Variants in RAB8B observed in about 807,000 individuals in gnomAD.
RAB8B encodes ras-related protein Rab-8B.
RAB8B carries 11 observed loss-of-function variants against 32.0 expected under a neutral mutation model. That is an observed-to-expected ratio of 0.34 (90% CI 0.22 to 0.57). The LOEUF is 0.57. RAB8B is among the 20% of genes least tolerant of loss of function. RAB8B has a pLI of 0.86. For synonymous variants in RAB8B, 103 were observed against 89.6 expected (o/e 1.15, Z -0.85); for missense variants, 190 against 258.5 (o/e 0.73, Z 1.82).
intron 1 of RAB8B, among the ~76,000 whole-genome samples, chr15:63,239,855 A>G (rs191047347): frequency 9.7e-4 from 148 of 152,302 alleles, no homozygotes; most frequent in African/African-American, 3.5e-3. Flanking sequence ...GAGTCTTCGC[A>G]TGATCTGAGA....
rs71131152 is a variant in RAB8B at position 63,219,004 on chromosome 15, A to ATTTTTTTTTTTT, written c.125-25734_125-25723dup. Reference sequence around the variant, plus strand: ...AAATGATCTTTTCTTCCAGCAGTGGATTTTTTTTTTTTTTTTTTTTTTTTT... The same window carrying ATTTTTTTTTTTT: ...AAATGATCTTTTCTTCCAGCAGTGGATTTTTTTTTTTTTTTTTTTTTTTTTTTTTTTTTTTTT... On this transcript the variant is annotated intron_variant, in intron 1 of 7. Coordinates refer to ENST00000321437, the MANE Select transcript of RAB8B (RefSeq NM_016530.3). Among the ~76,000 whole-genome samples the ATTTTTTTTTTTT allele has an allele frequency of 1.7e-4, 16 of 94,666 alleles. 5 individuals are homozygous for ATTTTTTTTTTTT. The highest frequency in any genetic ancestry group is 6.0e-4 in the Admixed American group (5 of 8,330). 62.1% of individuals were successfully genotyped at this position (94,666 alleles called of 152,430 possible).
At chr15:63,239,655 G>T (rs2038015601) in intron 1 of RAB8B, among the ~76,000 whole-genome samples, 2 of 152,096 alleles carry the variant, frequency 1.3e-5, no homozygotes, top group South Asian at 4.1e-4. Flanking sequence ...TGATCTGCCT[G>T]CCTTGGCCTC....
chr15:63,243,814 T>C (rs1595746888), intron 1 of RAB8B, among the ~76,000 whole-genome samples: 1 of 152,244 alleles, frequency 6.6e-6, no homozygotes, highest in South Asian at 2.1e-4. Context: ...AACAGAAATT[T>C]ATTTAGCTCA....
At chr15:63,231,939 C>T (rs1216853991) in intron 1 of RAB8B, among the ~76,000 whole-genome samples, 1 of 152,218 alleles carries the variant, frequency 6.6e-6, no homozygotes. Flanking sequence ...ACACTTGAAA[C>T]ACATTTCCTT....
chr15:63,256,523 G>A lies in RAB8B; in HGVS notation c.343G>A (p.Glu115Lys), dbSNP rs762065157. Residue 115 changes from glutamate (E) to lysine (K), a missense_variant, in exon 5 of 8, where the codon GAA becomes AAA. By Grantham distance (56) the Glu-to-Lys change is moderately conservative (BLOSUM62 1). This residue lies in a region of RAB8B where 110 missense variants were observed against 115.9 expected (regional missense o/e 0.95). Transcript: ENST00000321437. The part of the protein sequence containing the change: ...NIEEHASSDV[E>K]RMILGNKCDM... ...CCTGCAGCATGCCTCTTCCGATGTC[G>A]AAAGAATGATCCTGGGTAACAAATG... is the stretch of plus-strand genomic sequence containing the variant. 2.3e-5 allele frequency: 37 copies of A among 1,601,144 alleles called. No individual in the cohort carries two copies. Among genetic ancestry groups the A allele is most frequent in the Non-Finnish European group, 3.1e-5 (36 of 1,176,130 alleles).
intron 1 of RAB8B, among the ~76,000 whole-genome samples, chr15:63,219,202 G>T (rs1419917187): frequency 6.6e-6 from 1 of 151,072 alleles, no homozygotes; most frequent in Non-Finnish European, 1.5e-5. Context: ...GGAGGCTGAG[G>T]CAGGGGAATT....
chr15:63,226,958 T>A (rs905679098), intron 1 of RAB8B, among the ~76,000 whole-genome samples: 3 of 152,168 alleles, frequency 2.0e-5, no homozygotes, highest in Non-Finnish European at 4.4e-5. Flanking sequence ...GGGTAACTTC[T>A]TGACATTGCC....
chr15:63,240,806 C>CAAAAAAAAAA lies in RAB8B; in HGVS notation c.125-3941_125-3932dup, dbSNP rs11312318. Reference sequence around the variant, plus strand: ...CATAACTGAAAGGTAATGTTCCTAACAAAAAAAAAAAAAAAAAAGCCTCTG... The same window carrying CAAAAAAAAAA: ...CATAACTGAAAGGTAATGTTCCTAACAAAAAAAAAAAAAAAAAAAAAAAAAAAAGCCTCTG... On this transcript the variant is annotated intron_variant, in intron 1 of 7. Coordinates refer to ENST00000321437, the MANE Select transcript of RAB8B (RefSeq NM_016530.3). 2.6e-5 allele frequency among the ~76,000 whole-genome samples: 3 copies of CAAAAAAAAAA among 113,802 alleles called. 1 individual carries two copies. The highest frequency in any genetic ancestry group is 7.0e-5 in the African/African-American group (2 of 28,586). 74.7% of individuals were successfully genotyped at this position (113,802 alleles called of 152,430 possible).
intron 2 of RAB8B, among the ~76,000 whole-genome samples, chr15:63,247,366 A>C (rs928424829): frequency 1.3e-5 from 2 of 152,242 alleles, no homozygotes; most frequent in African/African-American, 4.8e-5. Flanking sequence ...TGCAATATGC[A>C]AGGCAAAGAT....
intron 1 of RAB8B, among the ~76,000 whole-genome samples, chr15:63,202,104 A>T (rs1403062668): frequency 6.7e-6 from 1 of 148,654 alleles, no homozygotes; most frequent in Non-Finnish European, 1.5e-5. Flanking sequence ...AAAAAAAAAA[A>T]AAAAAAAAAA....
At chr15:63,206,679 G>C (rs1323457997) in intron 1 of RAB8B, among the ~76,000 whole-genome samples, 1 of 151,850 alleles carries the variant, frequency 6.6e-6, no homozygotes, top group Non-Finnish European at 1.5e-5. Context: ...TGCCCTTTCT[G>C]CTCTACTTTC....
At chr15:63,198,084 A>C (rs1390224162) in intron 1 of RAB8B, among the ~76,000 whole-genome samples, 1 of 152,198 alleles carries the variant, frequency 6.6e-6, no homozygotes, top group Admixed American at 6.5e-5. Flanking sequence ...TGAATTAATA[A>C]GAACCTGAAA....
chr15:63,216,714 G>C (rs1005514693), intron 1 of RAB8B, among the ~76,000 whole-genome samples: 1 of 151,926 alleles, frequency 6.6e-6, no homozygotes, highest in African/African-American at 2.4e-5. Flanking sequence ...ACAAAAATTA[G>C]TCGGGCATGG....
At chr15:63,247,463 T>C (rs373228847) in intron 2 of RAB8B, among the ~76,000 whole-genome samples, 30 of 152,324 alleles carry the variant, frequency 2.0e-4, no homozygotes, top group African/African-American at 7.2e-4. Context: ...GATTGCTAGG[T>C]TGAATATTTT....
rs761951855 is a variant in RAB8B, at chr15:63,263,603, G to T, written c.608G>T (p.Arg203Leu). 1 of 1,608,482 alleles carries T rather than the reference G, an allele frequency of 6.2e-7. No homozygotes were observed. Among genetic ancestry groups the T allele is most frequent in the East Asian group, 2.2e-5 (1 of 44,836 alleles). ...CGATCAAAGAAGACCAGTTTCTTTC[G>T]TTGCTCGCTACTTTGATGAACTCTT... ...ENRSKKTSFFRCSLL is the reference protein window; with the variant it reads ...ENRSKKTSFFLCSLL Residue 203 changes from arginine (R) to leucine (L), a missense_variant, in exon 8 of 8, where the codon CGT (arginine) becomes CTT (leucine). Arg to Leu is a moderately radical substitution (Grantham distance 102). This residue lies in a region of RAB8B where 110 missense variants were observed against 115.9 expected (regional missense o/e 0.95). Coordinates refer to ENST00000321437, the MANE Select transcript of RAB8B (RefSeq NM_016530.3).
intron 1 of RAB8B, among the ~76,000 whole-genome samples, chr15:63,218,302 A>T (rs1294935031): frequency 2.0e-5 from 3 of 152,196 alleles, no homozygotes; most frequent in Non-Finnish European, 4.4e-5. Context: ...GAGAATAGTG[A>T]TAAGGAATAT....
intron 1 of RAB8B, among the ~76,000 whole-genome samples, chr15:63,227,827 C>A (rs1006828550): frequency 6.6e-6 from 1 of 152,178 alleles, no homozygotes; most frequent in African/African-American, 2.4e-5. Context: ...GGGAATTCAC[C>A]ATGATCCTCA....
In RAB8B at chr15:63,259,894, G is replaced by A. The variant is rs775685111; in HGVS notation, c.480+202G>A. ...TCTGTCGCCAGGCTGGAATGCAGTG[G>A]CATGATCTCGGCTCACTGCAACCTC... On this transcript the variant is annotated intron_variant, in intron 6 of 7. Transcript: ENST00000321437. This position sits in a 1 kb window ranked among gnomAD's most constrained non-coding sequence, Gnocchi z 4.4. 2.0e-5 allele frequency among the ~76,000 whole-genome samples: 3 copies of A among 151,972 alleles called. No individual in the cohort carries two copies. The highest frequency in any genetic ancestry group is 6.5e-5 in the Admixed American group (1 of 15,268).
At chr15:63,247,642 G>A (rs570990819) in intron 2 of RAB8B, among the ~76,000 whole-genome samples, 3 of 152,338 alleles carry the variant, frequency 2.0e-5, no homozygotes, top group South Asian at 2.1e-4. Context: ...TAGACAAAAC[G>A]TAGAATTCAG....
Sources: allele counts gnomAD v4.1 joint callset (sites outside exome capture counted in the v4.1 genomes callset), GRCh38; gene constraint gnomAD v4.1.1; regional missense constraint gnomAD v4.1.1; non-coding constraint Gnocchi (gnomAD v3.1); transcripts MANE v1.5; gene names NCBI Gene and HGNC (gene_info 2026-07-23, HGNC 2026-07-21).